Variants in EIF4G3 observed in about 807,000 individuals in gnomAD.
EIF4G3 encodes the protein eukaryotic translation initiation factor 4 gamma 3, also known as eIF-4-gamma 3.
In EIF4G3, 34 loss-of-function variants were observed where a neutral mutation model predicts 186.4. The observed-to-expected ratio is 0.18, with a 90% CI of 0.14 to 0.24. The LOEUF is 0.24. EIF4G3 is among the 10% of genes least tolerant of loss of function. The probability of loss-of-function intolerance (pLI) is 1.00; values close to 1 mark genes in which losing one functional copy is unlikely to be tolerated. For missense variants in EIF4G3, 1,536 were observed against 1,948.5 expected (o/e 0.79, Z 3.99); for synonymous variants, 673 against 679.5 (o/e 0.99, Z 0.15).
intron 3 of EIF4G3, among the ~76,000 whole-genome samples, chr1:21,086,199 CTT>C (rs397979515): frequency 1.1e-5 from 1 of 95,220 alleles, no homozygotes; most frequent in Admixed American, 1.4e-4. Context: ...ACATGATACT[CTT>C]TTTTTTTTTT....
intron 2 of EIF4G3, among the ~76,000 whole-genome samples, chr1:21,118,951 AAAAAG>A (rs1173535904): frequency 1.3e-5 from 2 of 151,124 alleles, no homozygotes; most frequent in South Asian, 2.1e-4. Context: ...AAAAAAAAAA[AAAAAG>A]AGAAGAAATT....
Position 21,150,542 on chromosome 1 carries a change from G to A in EIF4G3, c.-272+25633C>T, listed in dbSNP as rs560170693. Among the ~76,000 whole-genome samples, 44 of 152,244 alleles carry A rather than the reference G, an allele frequency of 2.9e-4. 1 individual carries two copies. In the South Asian group the frequency reaches 9.1e-3, roughly 32 times the overall value. On this transcript the variant is annotated intron_variant, in intron 2 of 36. Transcript: ENST00000602326. ...AACAACAACTCCCTTGATTCCTGTG[G>A]AAAATCTAAACGCATTTCAAATTCC...
chr1:20,875,607 TA>T (rs2080529578), intron 20 of EIF4G3, among the ~76,000 whole-genome samples: 1 of 152,134 alleles, frequency 6.6e-6, no homozygotes, highest in Non-Finnish European at 1.5e-5. Context: ...TTTAAAACAT[TA>T]AAAACATACA....
chr1:20,838,812 G>C (rs541494565), intron 30 of EIF4G3, among the ~76,000 whole-genome samples: 6 of 152,164 alleles, frequency 3.9e-5, no homozygotes, highest in African/African-American at 1.4e-4. Context: ...AAGTAGCTGG[G>C]ACTATAGCGG....
chr1:21,025,522 A>C (rs945809864), intron 4 of EIF4G3, among the ~76,000 whole-genome samples: 1 of 150,714 alleles, frequency 6.6e-6, no homozygotes, highest in Non-Finnish European at 1.5e-5. Flanking sequence ...CCTAAATATA[A>C]GGGGAAGAAA....
intron 2 of EIF4G3, among the ~76,000 whole-genome samples, chr1:21,174,113 A>G (rs2098050113): frequency 1.3e-5 from 2 of 152,244 alleles, no homozygotes; most frequent in African/African-American, 4.8e-5. Flanking sequence ...GATTAATTTT[A>G]GCTTCAATGG....
chr1:21,101,790 C>T (rs1032928814), intron 2 of EIF4G3, among the ~76,000 whole-genome samples: 9 of 151,910 alleles, frequency 5.9e-5, no homozygotes, highest in African/African-American at 1.7e-4. Flanking sequence ...TGTCCAAGAA[C>T]GTATCATAAA....
At chr1:20,863,378 T>TAAAAAA (rs3051243) in intron 22 of EIF4G3, among the ~76,000 whole-genome samples, 70 of 102,486 alleles carry the variant, frequency 6.8e-4, no homozygotes, top group African/African-American at 2.8e-3. Flanking sequence ...CTACAAAAAG[T>TAAAAAA]AAAAAAAAAA....
At chr1:21,048,034 A>G (rs2154576184) in intron 4 of EIF4G3, among the ~76,000 whole-genome samples, 1 of 152,328 alleles carries the variant, frequency 6.6e-6, no homozygotes, top group South Asian at 2.1e-4. Flanking sequence ...AAAGAATGCA[A>G]CACAATATTT....
intron 35 of EIF4G3, among the ~76,000 whole-genome samples, chr1:20,811,095 G>A (rs1410023368): frequency 1.3e-5 from 2 of 151,710 alleles, no homozygotes; most frequent in Admixed American, 6.6e-5. Flanking sequence ...GACTACAGGC[G>A]CCTGCTCCCA....
intron 4 of EIF4G3, among the ~76,000 whole-genome samples, chr1:21,044,466 C>T (rs2093759434): frequency 6.6e-6 from 1 of 152,030 alleles, no homozygotes; most frequent in South Asian, 2.1e-4. Flanking sequence ...CCATACTCAT[C>T]TATTTCAACA....
intron 4 of EIF4G3, among the ~76,000 whole-genome samples, chr1:21,028,636 A>G (rs1163594047): frequency 5.3e-5 from 8 of 152,228 alleles, no homozygotes; most frequent in African/African-American, 1.9e-4. Context: ...AATAAATTGT[A>G]AAACACAGGT....
At chr1:20,815,487 G>T (rs1184064047) in intron 34 of EIF4G3, among the ~76,000 whole-genome samples, 1 of 151,882 alleles carries the variant, frequency 6.6e-6, no homozygotes, top group African/African-American at 2.4e-5. Context: ...TGTCTGGGAG[G>T]TGAGGAGCGT....
At chr1:21,019,910 C>T (rs1239724151) in intron 4 of EIF4G3, among the ~76,000 whole-genome samples, 1 of 151,792 alleles carries the variant, frequency 6.6e-6, no homozygotes, top group African/African-American at 2.4e-5. Context: ...AACAAAATGC[C>T]CCCATGAACA....
At chr1:21,036,141 T>C (rs1485335289) in intron 4 of EIF4G3, among the ~76,000 whole-genome samples, 1 of 150,904 alleles carries the variant, frequency 6.6e-6, no homozygotes, top group African/African-American at 2.4e-5. Context: ...AGCCACCCAC[T>C]GCAGGCCTCC....
At chr1:21,054,741 G>A (rs1375478412) in intron 3 of EIF4G3, among the ~76,000 whole-genome samples, 1 of 152,012 alleles carries the variant, frequency 6.6e-6, no homozygotes, top group Non-Finnish European at 1.5e-5. Context: ...TCTAGTCCCT[G>A]GTACTCTAAC....
At chr1:21,029,144 A>C (rs2092481342) in intron 4 of EIF4G3, among the ~76,000 whole-genome samples, 2 of 152,068 alleles carry the variant, frequency 1.3e-5, no homozygotes, top group Admixed American at 1.3e-4. Flanking sequence ...CAGCCTCCCG[A>C]GTAGCTGAAA....
intron 3 of EIF4G3, among the ~76,000 whole-genome samples, chr1:21,060,933 A>G (rs1465009091): frequency 1.3e-5 from 2 of 152,220 alleles, no homozygotes; most frequent in Non-Finnish European, 2.9e-5. Context: ...CATTTAACAT[A>G]TATTTATTGA....
chr1:21,023,604 G>A (rs554109686), intron 4 of EIF4G3, among the ~76,000 whole-genome samples: 102 of 151,930 alleles, frequency 6.7e-4, no homozygotes, highest in Non-Finnish European at 1.1e-3. Context: ...ATCTCGGCTC[G>A]CTACAACCTA....
Sources: gnomAD v4.1 joint callset for allele counts (sites outside exome capture counted in the v4.1 genomes callset) on GRCh38, gnomAD v4.1.1 for gene constraint, MANE v1.5 for transcripts, NCBI Gene and HGNC (gene_info 2026-07-23, HGNC 2026-07-21) for gene names.